Variants in ANO2 observed in about 807,000 individuals in gnomAD.
ANO2 encodes anoctamin-2.
ANO2 carries 101 observed loss-of-function variants against 124.2 expected under a neutral mutation model. The ratio of observed to expected loss-of-function variants is 0.81; its 90% CI spans 0.69 to 0.96. The LOEUF is 0.96. ANO2 is among the 40% of genes least tolerant of loss of function. The pLI is 0.00. For missense variants in ANO2, 1,293 were observed against 1,274.5 expected (o/e 1.01, Z -0.22); for synonymous variants, 486 against 482.5 (o/e 1.01, Z -0.09).
At chr12:5,808,035 C>A (rs1358689405) in intron 7 of ANO2, among the ~76,000 whole-genome samples, 1 of 152,240 alleles carries the variant, frequency 6.6e-6, no homozygotes, top group Non-Finnish European at 1.5e-5. Context: ...TCCCCTATGG[C>A]TAATGGCATG....
chr12:5,818,955 G>A (rs1339634093), intron 7 of ANO2, among the ~76,000 whole-genome samples: 3 of 152,180 alleles, frequency 2.0e-5, no homozygotes, highest in Non-Finnish European at 4.4e-5. Flanking sequence ...CATCAAATCT[G>A]CTAAGATGGC....
intron 20 of ANO2, among the ~76,000 whole-genome samples, chr12:5,597,199 G>A (rs938614713): frequency 1.3e-5 from 2 of 152,086 alleles, no homozygotes; most frequent in Non-Finnish European, 2.9e-5. Flanking sequence ...CATCACCCAG[G>A]TATTAAGCCT....
In ANO2 at chr12:5,587,617, C is replaced by T. The variant is rs546884514; in HGVS notation, c.2234-9099G>A. 4.6e-5 allele frequency among the ~76,000 whole-genome samples: 7 copies of T among 152,280 alleles called. No homozygotes were observed. The East Asian group carries it at 1.4e-3, about 29-fold the overall frequency. ...ATCTCTTGGGCCAGTTTTCTTTCAT[C>T]CCCTCCGAGATGGGGGAGTGGGAGA... On this transcript the variant is annotated intron_variant, in intron 20 of 24. Coordinates refer to ENST00000682330, the MANE Select transcript of ANO2 (RefSeq NM_001364791.2).
chr12:5,611,873 A>G (rs552549094), intron 19 of ANO2, among the ~76,000 whole-genome samples: 1 of 152,126 alleles, frequency 6.6e-6, no homozygotes, highest in Non-Finnish European at 1.5e-5. Context: ...TGTCCATCCT[A>G]TCCTCCTAAG....
intron 5 of ANO2, among the ~76,000 whole-genome samples, chr12:5,832,010 T>C (rs975772965): frequency 7.2e-5 from 11 of 152,160 alleles, no homozygotes; most frequent in Non-Finnish European, 1.6e-4. Flanking sequence ...TCAATGAGTG[T>C]ACAAGTAGGC....
At chr12:5,624,964 T>C (rs796771453) in intron 16 of ANO2, among the ~76,000 whole-genome samples, 1 of 151,952 alleles carries the variant, frequency 6.6e-6, no homozygotes, top group African/African-American at 2.4e-5. Flanking sequence ...CTGGGCAAAG[T>C]CTTGATGGAG....
At chr12:5,739,625 A>ACACC (rs1291994809) in intron 12 of ANO2, among the ~76,000 whole-genome samples, 2 of 151,662 alleles carry the variant, frequency 1.3e-5, no homozygotes, top group Non-Finnish European at 2.9e-5. Context: ...ACACACACAC[A>ACACC]CACACGCTCC....
intron 4 of ANO2, among the ~76,000 whole-genome samples, chr12:5,853,481 G>A (rs1438025132): frequency 6.6e-6 from 1 of 152,072 alleles, no homozygotes; most frequent in African/African-American, 2.4e-5. Context: ...TCCCAGAGAT[G>A]GGACACTGGC....
At position 5,744,237 on chromosome 12, in the gene ANO2, G is replaced by A. The variant is rs201903128; in HGVS notation, c.1271C>T (p.Ser424Leu). 4.3e-6 allele frequency: 7 copies of A among 1,612,802 alleles called. No individual in the cohort carries two copies. In the Admixed American group the frequency reaches 1.0e-4, roughly 23 times the overall value. ...DKSCDYWNLS[S>L]ACGTAQASHL... ...GCTGGCCTGCGCGGTCCCACAGGCT[G>A]AGCTGAGGTTCCAGTAATCACAGGA... The change falls in exon 12 of 25, where the codon TCA becomes TTA. Residue 424 changes from serine (S) to leucine (L), a missense_variant. Coordinates refer to ENST00000682330, the MANE Select transcript of ANO2 (RefSeq NM_001364791.2).
chr12:5,847,986 A>G (rs1954737809), intron 4 of ANO2, among the ~76,000 whole-genome samples: 1 of 152,206 alleles, frequency 6.6e-6, no homozygotes, highest in African/African-American at 2.4e-5. Context: ...TCGAACCGTT[A>G]TCTTTGAACC....
Position 5,706,000 on chromosome 12 carries a change from T to C in ANO2, c.1545+26520A>G, listed in dbSNP as rs1228696324. Among the ~76,000 whole-genome samples, 5 of 152,260 alleles carry C rather than the reference T, an allele frequency of 3.3e-5. No homozygotes were observed. The East Asian group carries it at 9.7e-4, about 29-fold the overall frequency. ...CTTAAGGGTTCAAGCTCTTTCTAGG[T>C]TGACACGGTGCCCTTCTGGGGGAGA... is the stretch of plus-strand genomic sequence containing the variant. On this transcript the variant is annotated intron_variant, in intron 14 of 24. Transcript: ENST00000682330.
intron 3 of ANO2, among the ~76,000 whole-genome samples, chr12:5,877,519 A>T (rs746101147): frequency 1.3e-5 from 2 of 152,220 alleles, no homozygotes; most frequent in Non-Finnish European, 2.9e-5. Context: ...GAAGAACATA[A>T]CATGAGGGGC....
chr12:5,589,503 C>A (rs74056023), intron 20 of ANO2, among the ~76,000 whole-genome samples: 15 of 152,170 alleles, frequency 9.9e-5, no homozygotes, highest in Admixed American at 9.2e-4. Context: ...AAGAGAAAGC[C>A]GAAGACATAA....
chr12:5,920,684 T>A (rs1941647868), intron 3 of ANO2, among the ~76,000 whole-genome samples: 1 of 151,850 alleles, frequency 6.6e-6, no homozygotes, highest in Non-Finnish European at 1.5e-5. Context: ...GCTAACACGG[T>A]GAAACCCCGT....
chr12:5,688,313 C>A (rs1374191712), intron 14 of ANO2, among the ~76,000 whole-genome samples: 1 of 152,166 alleles, frequency 6.6e-6, no homozygotes, highest in African/African-American at 2.4e-5. Flanking sequence ...GAACGGGAGG[C>A]AAAGGCTGGT....
At chr12:5,801,665 G>T (rs1296409966) in intron 9 of ANO2, among the ~76,000 whole-genome samples, 1 of 152,210 alleles carries the variant, frequency 6.6e-6, no homozygotes, top group Non-Finnish European at 1.5e-5. Context: ...AACTACACAG[G>T]CCCTGAAAGG....
chr12:5,590,263 G>T (rs947310348), intron 20 of ANO2, among the ~76,000 whole-genome samples: 1 of 152,108 alleles, frequency 6.6e-6, no homozygotes, highest in African/African-American at 2.4e-5. Flanking sequence ...TTTATGTGTG[G>T]CCCAAGACAC....
chr12:5,635,341 G>A lies in ANO2; in HGVS notation c.1627C>T (p.Leu543=), dbSNP rs1184070094. ...NFASILFMIA[L]TFSIVFGVIV... The stretch of plus-strand genomic sequence containing the variant: ...ACCCCAAAGACGATTGAGAATGTCA[G>A]GGCAATCTGTTTGGGAAAACAGAGA... The change falls in exon 16 of 25, where the codon CTG becomes TTG. Residue 543 remains leucine (L), a synonymous_variant. Coordinates refer to ENST00000682330, the MANE Select transcript of ANO2 (RefSeq NM_001364791.2). The surrounding 1 kb of genome is among the most constrained non-coding windows in gnomAD (Gnocchi z 5.2). 1 of 1,563,242 alleles carries A rather than the reference G, an allele frequency of 6.4e-7. No homozygotes were observed. Among genetic ancestry groups the A allele is most frequent in the Non-Finnish European group, 8.6e-7 (1 of 1,159,042 alleles).
chr12:5,923,506 G>C (rs1941936320), intron 1 of ANO2, among the ~76,000 whole-genome samples: 1 of 152,184 alleles, frequency 6.6e-6, no homozygotes, highest in Non-Finnish European at 1.5e-5. Context: ...CCCTCGGGGA[G>C]AGAGCAAGGA....
Sources: gnomAD v4.1 joint callset for allele counts (sites outside exome capture counted in the v4.1 genomes callset) on GRCh38, gnomAD v4.1.1 for gene constraint, Gnocchi (gnomAD v3.1) non-coding constraint, MANE v1.5 for transcripts, NCBI Gene and HGNC (gene_info 2026-07-23, HGNC 2026-07-21) for gene names.